The following COMMD7 variants were observed in gnomAD, a reference collection of about 807,000 sequenced individuals.
COMMD7 encodes COMM domain containing 7.
COMMD7 carries 28 observed loss-of-function variants against 34.8 expected under a neutral mutation model. The observed-to-expected ratio is 0.80, with a 90% CI of 0.60 to 1.10. The LOEUF is 1.10. Among genes scored for constraint, COMMD7 ranks in the 50% least tolerant of loss-of-function variants. COMMD7 has a pLI of 0.00. For synonymous variants in COMMD7, 80 were observed against 86.4 expected (o/e 0.93, Z 0.41); for missense variants, 211 against 241.6 (o/e 0.87, Z 0.84).
At chr20:32,714,194 C>T (rs1055274638) in intron 3 of COMMD7, among the ~76,000 whole-genome samples, 7 of 152,012 alleles carry the variant, frequency 4.6e-5, no homozygotes, top group Admixed American at 2.0e-4. Flanking sequence ...ATGAGGCTGG[C>T]GGTCCTGGGG....
At chr20:32,741,167 A>AT (rs397771493) in intron 1 of COMMD7, among the ~76,000 whole-genome samples, 4 of 149,052 alleles carry the variant, frequency 2.7e-5, no homozygotes, top group Admixed American at 2.7e-4. Context: ...ACAAAAAAAA[A>AT]CTGACAGTAG....
chr20:32,703,662 G>A, intron 8 of COMMD7: 1 of 1,436,256 alleles, frequency 7.0e-7, no homozygotes, highest in East Asian at 2.5e-5. Context: ...AAAGGGGAGT[G>A]AGTGTTCAAA....
intron 3 of COMMD7, among the ~76,000 whole-genome samples, chr20:32,717,087 T>A (rs904022886): frequency 1.3e-5 from 2 of 152,126 alleles, no homozygotes; most frequent in Admixed American, 1.3e-4. Flanking sequence ...TGCCTCGGCC[T>A]CCCAAAGTGC....
intron 1 of COMMD7, among the ~76,000 whole-genome samples, chr20:32,734,923 C>T (rs1005026283): frequency 1.4e-5 from 2 of 148,076 alleles, no homozygotes; most frequent in African/African-American, 5.0e-5. Context: ...GACTCCATCT[C>T]AAAAATAAAA....
At chr20:32,710,326 T>G (rs947101810) in intron 3 of COMMD7, among the ~76,000 whole-genome samples, 4 of 152,180 alleles carry the variant, frequency 2.6e-5, no homozygotes, top group African/African-American at 9.6e-5. Context: ...AAGACTAGGC[T>G]CATTTTGCCT....
At chr20:32,719,642 C>T (rs977288627) in intron 3 of COMMD7, among the ~76,000 whole-genome samples, 62 of 152,090 alleles carry the variant, frequency 4.1e-4, no homozygotes, top group Non-Finnish European at 6.6e-4. Context: ...AAGAGCAAAA[C>T]TCCATCTAAA....
chr20:32,703,664 G>A (rs369961243), intron 8 of COMMD7: 4 of 1,436,214 alleles, frequency 2.8e-6, no homozygotes, highest in Non-Finnish European at 3.6e-6. Flanking sequence ...AGGGGAGTGA[G>A]TGTTCAAATG....
intron 3 of COMMD7, among the ~76,000 whole-genome samples, chr20:32,707,728 G>A (rs995554690): frequency 6.6e-6 from 1 of 151,840 alleles, no homozygotes; most frequent in Non-Finnish European, 1.5e-5. Flanking sequence ...TGGAGCAACT[G>A]GTCTGAGGAA....
chr20:32,741,028 A>G (rs915650622), intron 1 of COMMD7, among the ~76,000 whole-genome samples: 9 of 151,812 alleles, frequency 5.9e-5, no homozygotes, highest in Non-Finnish European at 1.2e-4. Context: ...CTGTAGTCCC[A>G]GCTACTTGGG....
intron 3 of COMMD7, among the ~76,000 whole-genome samples, chr20:32,722,360 GT>G (rs1452925127): frequency 6.6e-6 from 1 of 151,868 alleles, no homozygotes; most frequent in Non-Finnish European, 1.5e-5. Flanking sequence ...CATAACAGGT[GT>G]TTGGTAGACA....
chr20:32,723,074 G>GGTTCTGCACTTTAGGC (rs1600988681), intron 3 of COMMD7, among the ~76,000 whole-genome samples: 41 of 35,782 alleles, frequency 1.1e-3, no homozygotes, highest in Non-Finnish European at 1.5e-3. Flanking sequence ...AAAGACTTGT[G>GGTTCTGCACTTTAGGC]ATCCTCTCCC....
At chr20:32,727,793 G>A (rs958628055) in intron 3 of COMMD7, 100 bp downstream of exon 3, 30 of 964,658 alleles carry the variant, frequency 3.1e-5, no homozygotes, top group Non-Finnish European at 3.2e-5. Flanking sequence ...ATTACCAAAC[G>A]CTCTGGCTTG....
At chr20:32,737,837 T>TAAAA (rs11473460) in intron 1 of COMMD7, among the ~76,000 whole-genome samples, 293 of 141,216 alleles carry the variant, frequency 2.1e-3, no homozygotes, top group African/African-American at 5.8e-3. Context: ...GGTCCTGTCT[T>TAAAA]AAAAAAAAAA....
chr20:32,718,346 G>A (rs1330193173), intron 3 of COMMD7, among the ~76,000 whole-genome samples: 2 of 151,654 alleles, frequency 1.3e-5, no homozygotes, highest in East Asian at 3.9e-4. Flanking sequence ...AGAGCTTGCA[G>A]TGAACCGAGT....
At chr20:32,741,142 AAAAC>A (rs1388070800) in intron 1 of COMMD7, among the ~76,000 whole-genome samples, 9 of 125,892 alleles carry the variant, frequency 7.1e-5, no homozygotes, top group African/African-American at 2.5e-4. Flanking sequence ...GACTCCGTCT[AAAAC>A]AAACAAACAA....
intron 3 of COMMD7, among the ~76,000 whole-genome samples, chr20:32,727,629 T>C (rs924799723): frequency 9.2e-5 from 14 of 151,952 alleles, no homozygotes; most frequent in Non-Finnish European, 1.8e-4. Flanking sequence ...GTCCTTATTA[T>C]AGAGAGGACA....
At chr20:32,706,023 AC>A (rs1984055145) in intron 5 of COMMD7, among the ~76,000 whole-genome samples, 1 of 151,018 alleles carries the variant, frequency 6.6e-6, no homozygotes, top group Non-Finnish European at 1.5e-5. Flanking sequence ...ACATGGTGAA[AC>A]CCCGTCTCTA....
chr20:32,722,188 T>C (rs1985206652), intron 3 of COMMD7, among the ~76,000 whole-genome samples: 1 of 138,636 alleles, frequency 7.2e-6, no homozygotes, highest in African/African-American at 2.7e-5. Context: ...GAATTTGCAG[T>C]GAGCCGAGAT....
intron 1 of COMMD7, among the ~76,000 whole-genome samples, chr20:32,738,810 C>T (rs1185094263): frequency 1.3e-5 from 2 of 151,972 alleles, no homozygotes; most frequent in African/African-American, 4.8e-5. Context: ...TAGCTAACCG[C>T]AGCCTCCAAT....
Sources: allele counts gnomAD v4.1 joint callset (sites outside exome capture counted in the v4.1 genomes callset), GRCh38; gene constraint gnomAD v4.1.1; transcripts MANE v1.5; gene names NCBI Gene and HGNC (gene_info 2026-07-23, HGNC 2026-07-21).